LDLRAD4: variants seen among roughly 807,000 people sequenced by gnomAD.
LDLRAD4 encodes low-density lipoprotein receptor class A domain-containing protein 4.
Under a neutral mutation model 17.0 loss-of-function variants are expected in LDLRAD4, and 5 were observed. That is an observed-to-expected ratio of 0.29 (90% CI 0.15 to 0.62). LDLRAD4 has a LOEUF of 0.62. Among genes scored for constraint, LDLRAD4 ranks in the 20% least tolerant of loss-of-function variants. The pLI is 0.84. For missense variants in LDLRAD4, 340 were observed against 424.7 expected, an observed-to-expected ratio of 0.80 and a Z score of 1.75; for synonymous variants, 168 against 171.8, an observed-to-expected ratio of 0.98 and a Z score of 0.17.
At chr18:13,551,021 T>C (rs563635601) in intron 3 of LDLRAD4, among the ~76,000 whole-genome samples, 82 of 152,276 alleles carry the variant, frequency 5.4e-4, no homozygotes, top group African/African-American at 2.0e-3. Context: ...CTCTGGGGGA[T>C]AGCAGAGCAC....
intron 1 of LDLRAD4, among the ~76,000 whole-genome samples, chr18:13,294,574 C>T (rs565030602): frequency 1.7e-4 from 26 of 152,302 alleles, no homozygotes; most frequent in Non-Finnish European, 3.2e-4. Context: ...AGAGGTCACG[C>T]GACCTCCTGA....
chr18:13,641,982 G>C, intron 4 of LDLRAD4: 1 of 985,324 alleles, frequency 1.0e-6, no homozygotes, highest in Non-Finnish European at 1.2e-6. Flanking sequence ...TGGGCCCTGG[G>C]CGGTGGGAGG....
At chr18:13,526,629 T>C (rs2094035808) in intron 3 of LDLRAD4, 1 of 152,226 alleles carries the variant, frequency 6.6e-6, no homozygotes, top group Admixed American at 6.5e-5. Context: ...GATTTGATCC[T>C]AGTCAGAGCA....
In LDLRAD4 at chr18:13,612,748, A is replaced by C. The variant is rs2039715195; in HGVS notation, c.182-8369A>C. On this transcript the variant is annotated intron_variant, in intron 3 of 5. Transcript: ENST00000359446. ...AACAACAGCACACTGAAGGAGGCTCAGTTCAAAGACCTGTTCTTAAAAAAA... is the reference window on the plus strand; with the variant it reads ...AACAACAGCACACTGAAGGAGGCTCCGTTCAAAGACCTGTTCTTAAAAAAA... The C allele has an allele frequency of 4.3e-6, 7 of 1,613,604 alleles. No individual in the cohort carries two copies. In the East Asian group the frequency reaches 8.9e-5, roughly 21 times the overall value.
At chr18:13,514,726 C>G (rs2093836864) in intron 3 of LDLRAD4, 2 of 152,240 alleles carry the variant, frequency 1.3e-5, no homozygotes, top group South Asian at 4.1e-4. Context: ...ATCCCAGGAT[C>G]ACAGGCTTAA....
At chr18:13,414,410 G>A (rs906323632) in intron 2 of LDLRAD4, among the ~76,000 whole-genome samples, 6 of 152,218 alleles carry the variant, frequency 3.9e-5, no homozygotes, top group Admixed American at 2.6e-4. Context: ...CATCTCTATT[G>A]TCACTGTCAC....
intron 3 of LDLRAD4, among the ~76,000 whole-genome samples, chr18:13,505,481 G>A (rs1337825241): frequency 1.3e-5 from 2 of 152,232 alleles, no homozygotes; most frequent in African/African-American, 4.8e-5. Context: ...GAAATGGCAA[G>A]TGATAGTAGA....
chr18:13,497,837 C>T (rs72880646), intron 3 of LDLRAD4, among the ~76,000 whole-genome samples: 27,227 of 152,136 alleles, frequency 0.18, 2,933 homozygotes, highest in Middle Eastern at 0.36. Context: ...CTTCTTCCCA[C>T]ACACGTCCCG....
chr18:13,468,150 C>G (rs560472606), intron 3 of LDLRAD4, among the ~76,000 whole-genome samples: 2 of 152,126 alleles, frequency 1.3e-5, no homozygotes, highest in South Asian at 2.1e-4. Flanking sequence ...TTGACTTTAT[C>G]AAAATGAAAG....
In LDLRAD4 at chr18:13,637,815, A is replaced by T. The variant is rs56069432; in HGVS notation, c.337-5544A>T. On this transcript the variant is annotated intron_variant, in intron 4 of 5. Coordinates refer to ENST00000359446, the Ensembl canonical transcript of LDLRAD4. ...CGGGAGGCGGAGGTTGCAGTGAGCC[A>T]AGATCATGCCACTGCACTCCAGCCT... Among the ~76,000 whole-genome samples the T allele has an allele frequency of 5.3e-5, 8 of 150,258 alleles. No individual in the cohort carries two copies. In the East Asian group the frequency reaches 1.6e-3, roughly 30 times the overall value.
At chr18:13,444,515 G>C (rs77749130) in intron 3 of LDLRAD4, among the ~76,000 whole-genome samples, 3,779 of 152,316 alleles carry the variant, frequency 0.025, 133 homozygotes, top group East Asian at 0.082. Flanking sequence ...TAGTAGTTAA[G>C]TTTTCGGGGA....
chr18:13,578,827 C>CTTTTT lies in LDLRAD4; in HGVS notation c.182-42266_182-42262dup, dbSNP rs1003295658. ...TGACCCATTTAAAAGTTGTCCGGGT[C>CTTTTT]TTTTTTTTTTTTTTTTTTTTTTTTT... is the stretch of plus-strand genomic sequence containing the variant. On this transcript the variant is annotated intron_variant, in intron 3 of 5. Coordinates refer to ENST00000359446, the Ensembl canonical transcript of LDLRAD4. 4.9e-3 allele frequency among the ~76,000 whole-genome samples: 319 copies of CTTTTT among 65,696 alleles called. 77 individuals are homozygous for CTTTTT. The highest frequency in any genetic ancestry group is 8.8e-3 in the South Asian group (12 of 1,362). 43.1% of individuals were successfully genotyped at this position (65,696 alleles called of 152,430 possible).
chr18:13,637,897 G>C (rs1335155302), intron 4 of LDLRAD4, among the ~76,000 whole-genome samples: 1 of 150,990 alleles, frequency 6.6e-6, no homozygotes, highest in Non-Finnish European at 1.5e-5. Flanking sequence ...AAGAGAGAGA[G>C]AGGTAATGGA....
At chr18:13,233,827 C>T (rs2042201434) in intron 1 of LDLRAD4, among the ~76,000 whole-genome samples, 3 of 152,086 alleles carry the variant, frequency 2.0e-5, no homozygotes, top group African/African-American at 7.2e-5. Flanking sequence ...GGCATCTCTA[C>T]TCATAGGCAC....
chr18:13,453,854 A>G (rs968831549), intron 3 of LDLRAD4, among the ~76,000 whole-genome samples: 4 of 152,234 alleles, frequency 2.6e-5, no homozygotes, highest in Non-Finnish European at 4.4e-5. Flanking sequence ...TAATGACGCA[A>G]TGTGTGATCC....
chr18:13,612,634 A>G, intron 3 of LDLRAD4: 3 of 1,610,166 alleles, frequency 1.9e-6, no homozygotes, highest in Non-Finnish European at 2.5e-6. Flanking sequence ...AGATTGCCGG[A>G]AGCTGAAGGG....
intron 3 of LDLRAD4, among the ~76,000 whole-genome samples, chr18:13,492,472 G>A (rs571899389): frequency 1.7e-4 from 26 of 152,314 alleles, no homozygotes; most frequent in East Asian, 5.8e-4. Context: ...GCTCCTGTGC[G>A]TTCACTCTTC....
chr18:13,621,021 C>A lies in LDLRAD4; in HGVS notation c.182-96C>A, dbSNP rs186451641. Reference sequence around the variant, plus strand: ...CTGAGGAACAGACGTGTGTGAGAGGCCTTCAGGGCCTGATGGCTGGGGTGG... The same window carrying A: ...CTGAGGAACAGACGTGTGTGAGAGGACTTCAGGGCCTGATGGCTGGGGTGG... On this transcript the variant is annotated intron_variant, in intron 3 of 5. Coordinates refer to ENST00000359446, the Ensembl canonical transcript of LDLRAD4. The surrounding 1 kb of genome is among the most constrained non-coding windows in gnomAD (Gnocchi z 5.5). 6.7e-5 allele frequency: 105 copies of A among 1,556,262 alleles called. No homozygotes were observed. The South Asian group carries it at 7.1e-4, about 11-fold the overall frequency.
chr18:13,459,011 A>C (rs2092291026), intron 3 of LDLRAD4, among the ~76,000 whole-genome samples: 1 of 152,162 alleles, frequency 6.6e-6, no homozygotes, highest in East Asian at 1.9e-4. Context: ...AGAACTGTAA[A>C]GTAACAAATT....
Sources: allele counts gnomAD v4.1 joint callset (sites outside exome capture counted in the v4.1 genomes callset), GRCh38; gene constraint gnomAD v4.1.1; non-coding constraint Gnocchi (gnomAD v3.1); transcripts MANE v1.5; gene names NCBI Gene and HGNC (gene_info 2026-07-23, HGNC 2026-07-21).